The following PCLO variants were observed in gnomAD, a reference collection of about 807,000 sequenced individuals.
PCLO encodes piccolo presynaptic cytomatrix protein, also known as protein piccolo.
In PCLO, 82 loss-of-function variants were observed where a neutral mutation model predicts 427.5. The ratio of observed to expected loss-of-function variants is 0.19; its 90% CI spans 0.16 to 0.23. The LOEUF is 0.23. Ranked by LOEUF, PCLO falls within the 10% of genes least tolerant of loss-of-function variation. PCLO has a pLI of 1.00. For missense variants in PCLO, 6,239 were observed against 6,115.9 expected, an observed-to-expected ratio of 1.02 and a Z score of -0.67; for synonymous variants, 2,357 against 2,155.4, an observed-to-expected ratio of 1.09 and a Z score of -2.59.
intron 17 of PCLO, 138 bp from the exon 18 acceptor site, chr7:82,826,798 C>T (rs1791957071): frequency 2.3e-6 from 1 of 441,464 alleles, no homozygotes; most frequent in East Asian, 3.6e-5. Flanking sequence ...TTACCGAAAA[C>T]TATGTAGTTT....
intron 10 of PCLO, chr7:82,848,816 C>A: frequency 3.5e-6 from 1 of 284,066 alleles, no homozygotes; most frequent in Non-Finnish European, 7.4e-6. Flanking sequence ...TAAAAGAATT[C>A]CATAAAAAGG....
intron 3 of PCLO, among the ~76,000 whole-genome samples, chr7:83,096,965 T>TA (rs1292173226): frequency 2.0e-5 from 1 of 49,840 alleles, no homozygotes; most frequent in Non-Finnish European, 3.1e-5. Flanking sequence ...TAATATAATA[T>TA]AATATATTAT....
In PCLO at chr7:83,121,460, AAGAAG is replaced by A. The variant is rs527964051; in HGVS notation, c.3300+12785_3300+12789del. Among the ~76,000 whole-genome samples the A allele has an allele frequency of 2.4e-4, 36 of 152,266 alleles. No homozygotes were observed. The South Asian group carries it at 6.6e-3, about 28-fold the overall frequency. Reference sequence around the variant, plus strand: ...TTTACACCTAAGAAGACAGAAAAGAAAGAAGAGAAAACCAAAAAACAATTAGAAAA... The same window carrying A: ...TTTACACCTAAGAAGACAGAAAAGAAAGAAAACCAAAAAACAATTAGAAAA... On this transcript the variant is annotated intron_variant, in intron 3 of 24. Coordinates refer to ENST00000333891, the MANE Select transcript of PCLO (RefSeq NM_033026.6).
intron 3 of PCLO, among the ~76,000 whole-genome samples, chr7:83,017,314 T>C (rs979748977): frequency 2.0e-5 from 3 of 151,984 alleles, no homozygotes; most frequent in Admixed American, 6.6e-5. Context: ...AAGAACAGCA[T>C]AAACATTAAA....
At chr7:82,947,549 G>C (rs1183491416) in intron 6 of PCLO, among the ~76,000 whole-genome samples, 1 of 152,054 alleles carries the variant, frequency 6.6e-6, no homozygotes, top group Non-Finnish European at 1.5e-5. Context: ...ATAGTCTCTA[G>C]AGTGTTAACA....
intron 6 of PCLO, among the ~76,000 whole-genome samples, chr7:82,939,764 T>A (rs1795038016): frequency 6.7e-6 from 1 of 148,878 alleles, no homozygotes; most frequent in South Asian, 2.1e-4. Context: ...ATAAATATAT[T>A]TTTATGAAGA....
intron 4 of PCLO, among the ~76,000 whole-genome samples, chr7:82,957,455 C>A (rs1269790976): frequency 1.3e-5 from 2 of 152,034 alleles, no homozygotes; most frequent in Non-Finnish European, 2.9e-5. Flanking sequence ...AACATATATG[C>A]CATGTACCAC....
chr7:82,827,429 T>A (rs1791971535), intron 17 of PCLO, among the ~76,000 whole-genome samples: 1 of 152,070 alleles, frequency 6.6e-6, no homozygotes, highest in Non-Finnish European at 1.5e-5. Context: ...TTAGGAGGCC[T>A]CAATTTAGCA....
At position 83,162,564 on chromosome 7, in the gene PCLO, T is replaced by C; in HGVS notation, c.29A>G (p.Glu10Gly). 1 of 1,549,980 alleles carries C rather than the reference T, an allele frequency of 6.5e-7. No homozygotes were observed. The highest frequency in any genetic ancestry group is 8.7e-7 in the Non-Finnish European group (1 of 1,148,766). The change falls in exon 1 of 25, where the codon GAA becomes GGA. Residue 10 changes from glutamate (E) to glycine (G), a missense_variant. Glu to Gly is a moderately conservative substitution (Grantham distance 98). Around this residue, in one of 5 missense-constraint regions of PCLO, gnomAD observed 4,677 missense variants for 4,468.4 expected, o/e 1.05. Coordinates refer to ENST00000333891, the MANE Select transcript of PCLO (RefSeq NM_033026.6). The stretch of plus-strand genomic sequence containing the variant: ...CGCCGCCAGCCCTTCGGGGAGCCCT[T>C]CCCCTTCCAAGCTCGCCTCGTTGCC... MGNEASLEG[E>G]GLPEGLAAAA...
chr7:83,049,228 C>T (rs1789175151), intron 3 of PCLO, among the ~76,000 whole-genome samples: 2 of 151,990 alleles, frequency 1.3e-5, no homozygotes, highest in South Asian at 2.1e-4. Context: ...AAGATAAGAG[C>T]GGCAATATAT....
intron 3 of PCLO, among the ~76,000 whole-genome samples, chr7:83,088,941 A>G (rs1419446557): frequency 6.6e-6 from 1 of 152,160 alleles, no homozygotes. Context: ...AAATCCTTCA[A>G]TAACACTCCA....
At position 82,952,246 on chromosome 7, in the gene PCLO, T is replaced by C; in HGVS notation, c.8707A>G (p.Thr2903Ala). ...GTTACGACTGTTCTGTGAGACTTGG[T>C]TGTACTGAGATCCACTACTTCCCCA... Reference protein sequence around the residue: ...TDGEVVDLSTTKSHRTVVTMD... With the variant: ...TDGEVVDLSTAKSHRTVVTMD... The change falls in exon 5 of 25, where the codon ACC becomes GCC. Residue 2903 changes from threonine (T) to alanine (A), a missense_variant. This residue lies in a region of PCLO where 4,677 missense variants were observed against 4,468.4 expected (regional missense o/e 1.05). Transcript: ENST00000333891. 6.2e-7 allele frequency: 1 copy of C among 1,613,928 alleles called. No individual in the cohort carries two copies. The highest frequency in any genetic ancestry group is 8.5e-7 in the Non-Finnish European group (1 of 1,179,844).
intron 22 of PCLO, among the ~76,000 whole-genome samples, chr7:82,788,236 A>G (rs1381630949): frequency 6.8e-6 from 1 of 147,624 alleles, no homozygotes; most frequent in Non-Finnish European, 1.5e-5. Context: ...TATAATATAT[A>G]ATTTATATAT....
At chr7:82,973,671 T>C (rs182182470) in intron 3 of PCLO, among the ~76,000 whole-genome samples, 1 of 152,042 alleles carries the variant, frequency 6.6e-6, no homozygotes, top group Non-Finnish European at 1.5e-5. Context: ...AGTCTCTTTG[T>C]TTCCCTCATT....
chr7:83,040,688 CT>C, intron 3 of PCLO, among the ~76,000 whole-genome samples: 1 of 152,208 alleles, frequency 6.6e-6, no homozygotes, highest in East Asian at 1.9e-4. Context: ...ACAACTTCCT[CT>C]TTTTTGAGAG....
intron 6 of PCLO, among the ~76,000 whole-genome samples, chr7:82,931,139 A>C (rs2116339064): frequency 6.6e-6 from 1 of 152,264 alleles, no homozygotes; most frequent in Non-Finnish European, 1.5e-5. Context: ...TACTTATATT[A>C]ACTTATTTTA....
intron 3 of PCLO, among the ~76,000 whole-genome samples, chr7:83,122,806 C>A (rs1791322810): frequency 6.6e-6 from 1 of 152,026 alleles, no homozygotes; most frequent in African/African-American, 2.4e-5. Context: ...AATACAAAAT[C>A]AAAATACAAA....
At chr7:83,059,299 A>G (rs952242625) in intron 3 of PCLO, among the ~76,000 whole-genome samples, 4 of 144,220 alleles carry the variant, frequency 2.8e-5, no homozygotes, top group Non-Finnish European at 4.5e-5. Context: ...AATCAAATAT[A>G]TATATATATT....
At chr7:82,857,538 T>C (rs761039175) in intron 10 of PCLO, among the ~76,000 whole-genome samples, 24 of 152,128 alleles carry the variant, frequency 1.6e-4, no homozygotes, top group Non-Finnish European at 2.5e-4. Context: ...CTATCTGAAC[T>C]AGTGGCAAAA....
Sources: allele counts gnomAD v4.1 joint callset (sites outside exome capture counted in the v4.1 genomes callset), GRCh38; gene constraint gnomAD v4.1.1; regional missense constraint gnomAD v4.1.1; transcripts MANE v1.5; gene names NCBI Gene and HGNC (gene_info 2026-07-23, HGNC 2026-07-21).